RASA3: variants seen among roughly 807,000 people sequenced by gnomAD.
RASA3 encodes RAS p21 protein activator 3, also known as ras GTPase-activating protein 3.
RASA3 carries 73 observed loss-of-function variants against 110.0 expected under a neutral mutation model. The ratio of observed to expected loss-of-function variants is 0.66; its 90% confidence interval spans 0.55 to 0.81. RASA3 has a LOEUF of 0.81. RASA3 is among the 30% of genes least tolerant of loss of function. RASA3 has a pLI of 0.00. For missense variants in RASA3, 976 were observed against 1,113.2 expected, an observed-to-expected ratio of 0.88 and a Z score of 1.75; for synonymous variants, 500 against 451.4, an observed-to-expected ratio of 1.11 and a Z score of -1.37.
chr13:114,007,821 G>A (rs2053550411), intron 17 of RASA3, among the ~76,000 whole-genome samples: 1 of 152,246 alleles, frequency 6.6e-6, no homozygotes, highest in African/African-American at 2.4e-5. Flanking sequence ...CAGGTGAGAG[G>A]CCGGGCTCAG....
rs1236042947 is a variant in RASA3 at position 114,029,834 on chromosome 13, G to C, written c.426C>G (p.Val142=). ...ACCGTGTGGCGAGCTTGTGGCAGAC[G>C]ACCCCAGTGTCTGTGATGACCTCGC... ...RLSEVITDTG[V]VCHKLATRIV... Residue 142 remains valine, a synonymous_variant, in exon 5 of 24, where the codon GTC becomes GTG. Transcript: ENST00000334062. The C allele has an allele frequency of 6.3e-7, 1 of 1,589,540 alleles. No individual in the cohort carries two copies. Among genetic ancestry groups the C allele is most frequent in the Non-Finnish European group, 8.6e-7 (1 of 1,168,720 alleles).
intron 8 of RASA3, among the ~76,000 whole-genome samples, chr13:114,023,247 GACATCCCAGGCTCGGGGA>G (rs1169148062): frequency 0.018 from 2,132 of 120,386 alleles, 37 homozygotes; most frequent in African/African-American, 0.054. Context: ...CAGGCTCGGG[GACATCCCAGGCTCGGGGA>G]ACATCCCAGG....
chr13:114,105,484 G>GC (rs766369979), intron 1 of RASA3, among the ~76,000 whole-genome samples: 8 of 152,190 alleles, frequency 5.3e-5, no homozygotes, highest in Non-Finnish European at 1.0e-4. Flanking sequence ...GGCTCAGGAG[G>GC]CCTCAGCCAA....
At chr13:113,996,275 C>T (rs1051354172) in intron 21 of RASA3, among the ~76,000 whole-genome samples, 5 of 152,290 alleles carry the variant, frequency 3.3e-5, no homozygotes, top group African/African-American at 9.6e-5. Flanking sequence ...CCCGCTCCCC[C>T]GGGGCAGGGC....
At chr13:114,073,956 GT>G (rs1566553252) in intron 1 of RASA3, 119 bp from the exon 2 acceptor site, 15 of 913,000 alleles carry the variant, frequency 1.6e-5, no homozygotes, top group South Asian at 5.6e-5. Flanking sequence ...TAAAGCCTTG[GT>G]TTTTTTGCCA....
chr13:113,980,210 ATG>A (rs1387840827), intron 23 of RASA3, among the ~76,000 whole-genome samples: 5 of 111,058 alleles, frequency 4.5e-5, no homozygotes, highest in East Asian at 2.9e-4. Context: ...ACCTCCTCCC[ATG>A]TGTGTGCACC....
At chr13:113,993,367 G>A (rs1013406542) in intron 21 of RASA3, among the ~76,000 whole-genome samples, 11 of 151,936 alleles carry the variant, frequency 7.2e-5, no homozygotes, top group African/African-American at 2.7e-4. Context: ...GTAGAGATGG[G>A]GTTTCACCAT....
chr13:114,009,488 G>T, intron 16 of RASA3, 24 bp from the exon 17 acceptor site: 1 of 1,525,506 alleles, frequency 6.6e-7, no homozygotes, highest in Non-Finnish European at 9.1e-7. Context: ...GAGATCACTC[G>T]AGGACAGCCC....
chr13:114,012,665 CT>C (rs2053663097), intron 15 of RASA3, among the ~76,000 whole-genome samples: 1 of 140,470 alleles, frequency 7.1e-6, no homozygotes, highest in Non-Finnish European at 1.6e-5. Context: ...GCCTTCCACA[CT>C]CCCCACACAC....
intron 1 of RASA3, among the ~76,000 whole-genome samples, chr13:114,079,108 G>A (rs752172516): frequency 2.0e-4 from 31 of 152,368 alleles, no homozygotes; most frequent in African/African-American, 6.5e-4. Flanking sequence ...AGGCAGCCAC[G>A]GGTGAGGACG....
chr13:114,110,501 G>A (rs2080202376), intron 1 of RASA3, among the ~76,000 whole-genome samples: 1 of 152,132 alleles, frequency 6.6e-6, no homozygotes, highest in Non-Finnish European at 1.5e-5. Flanking sequence ...ATGACCCCTG[G>A]CCCTACACAG....
chr13:113,993,851 C>T lies in RASA3; in HGVS notation c.2142-1263G>A, dbSNP rs542671225. Among the ~76,000 whole-genome samples, 5 of 136,884 alleles carry T rather than the reference C, an allele frequency of 3.7e-5. No homozygotes were observed. The South Asian group carries it at 1.2e-3, about 34-fold the overall frequency. 89.8% of individuals were successfully genotyped at this position (136,884 alleles called of 152,430 possible). ...AAAAAAGAAAAGAAAAGAAAATCTA[C>T]ATTGTACAGAAGCACGTCTTTGATG... On this transcript the variant is annotated intron_variant, in intron 21 of 23. Transcript: ENST00000334062.
intron 22 of RASA3, among the ~76,000 whole-genome samples, chr13:113,984,412 C>T (rs1453149862): frequency 1.1e-5 from 1 of 93,068 alleles, no homozygotes; most frequent in Non-Finnish European, 2.5e-5. Context: ...CATCACTCAC[C>T]CCTTTGTCCA....
intron 4 of RASA3, among the ~76,000 whole-genome samples, chr13:114,039,783 T>A (rs1037910554): frequency 2.0e-5 from 3 of 152,158 alleles, no homozygotes; most frequent in East Asian, 1.9e-4. Context: ...GTCTGGGACA[T>A]GGGCCCCAGC....
chr13:114,102,787 C>T (rs1323352291), intron 1 of RASA3, among the ~76,000 whole-genome samples: 2 of 152,298 alleles, frequency 1.3e-5, no homozygotes, highest in African/African-American at 4.8e-5. Context: ...GGCTTCCTGA[C>T]CCCTGGGGAG....
intron 19 of RASA3, among the ~76,000 whole-genome samples, chr13:114,000,424 T>G (rs2053367594): frequency 6.6e-6 from 1 of 152,102 alleles, no homozygotes; most frequent in Non-Finnish European, 1.5e-5. Flanking sequence ...AACTGCTAGA[T>G]ATTTCCTAAT....
intron 14 of RASA3, among the ~76,000 whole-genome samples, chr13:114,013,791 T>A (rs1251881528): frequency 2.0e-5 from 3 of 149,412 alleles, no homozygotes; most frequent in African/African-American, 7.4e-5. Context: ...TCTGTCTCTC[T>A]CCCTAACTCC....
intron 1 of RASA3, among the ~76,000 whole-genome samples, chr13:114,098,968 C>T (rs959361328): frequency 4.0e-5 from 6 of 150,130 alleles, no homozygotes; most frequent in Non-Finnish European, 7.4e-5. Context: ...CACCCGAGCC[C>T]CCCAGACCAC....
chr13:114,066,418 C>T (rs1051916988), intron 2 of RASA3, among the ~76,000 whole-genome samples: 14 of 152,108 alleles, frequency 9.2e-5, no homozygotes, highest in Admixed American at 9.2e-4. Context: ...GGCGGCCGGG[C>T]GAGAGGAGGC....
Sources: gnomAD v4.1 joint callset for allele counts (sites outside exome capture counted in the v4.1 genomes callset) on GRCh38, gnomAD v4.1.1 for gene constraint, MANE v1.5 for transcripts, NCBI Gene and HGNC (gene_info 2026-07-23, HGNC 2026-07-21) for gene names.